The following SLC38A8 variants were observed in gnomAD, a reference collection of about 807,000 sequenced individuals.
The protein encoded by SLC38A8 is solute carrier family 38 member 8.
In SLC38A8, 65 loss-of-function variants were observed where a neutral mutation model predicts 46.0. The observed-to-expected ratio is 1.41, with a 90% CI of 1.16 to 1.74. SLC38A8 has a LOEUF of 1.74. Ranked by LOEUF, SLC38A8 falls within the 40% of genes most tolerant of loss-of-function variation. The pLI, the probability that SLC38A8 is intolerant of heterozygous loss-of-function variation, is 0.00. For synonymous variants in SLC38A8, 447 were observed against 243.7 expected, an observed-to-expected ratio of 1.83 and a Z score of -7.77; for missense variants, 998 against 567.9, an observed-to-expected ratio of 1.76 and a Z score of -7.70.
intron 2 of SLC38A8, chr16:84,041,426 ACT>A (rs2085365879): frequency 6.5e-6 from 1 of 152,852 alleles, no homozygotes; most frequent in Admixed American, 6.5e-5. Flanking sequence ...GATTCTCCTG[ACT>A]CCACCTCCTG....
chr16:84,035,681 T>C (rs1255135866), intron 3 of SLC38A8, among the ~76,000 whole-genome samples: 14 of 152,208 alleles, frequency 9.2e-5, no homozygotes, highest in Non-Finnish European at 1.9e-4. Flanking sequence ...CAAACACTAG[T>C]CTTAAGGATG....
At position 84,029,609 on chromosome 16, in the gene SLC38A8, C is replaced by G. The variant is rs979714923; in HGVS notation, c.633-58G>C. The stretch of plus-strand genomic sequence containing the variant: ...GAAGGGTCACACCCGGAACAACCTG[C>G]GGCTGCAATGGTGAATTTTAAAGGA... On this transcript the variant is annotated intron_variant, in intron 5 of 10. Transcript: ENST00000299709. 9.1e-6 allele frequency: 14 copies of G among 1,541,936 alleles called. No individual in the cohort carries two copies. In the African/African-American group the frequency reaches 1.4e-4, roughly 15 times the overall value.
intron 7 of SLC38A8, among the ~76,000 whole-genome samples, chr16:84,019,561 G>C (rs2085071801): frequency 6.6e-6 from 1 of 152,128 alleles, no homozygotes; most frequent in Admixed American, 6.5e-5. Flanking sequence ...TTTTGGAGGG[G>C]ACAATCAATC....
chr16:84,029,055 G>A (rs563190474), intron 6 of SLC38A8, among the ~76,000 whole-genome samples: 4 of 152,194 alleles, frequency 2.6e-5, no homozygotes, highest in East Asian at 1.9e-4. Flanking sequence ...CCCCTCAGGA[G>A]GCAGGATCTT....
chr16:84,009,947 A>C, intron 10 of SLC38A8, 70 bp from the exon 11 acceptor site: 1 of 1,384,950 alleles, frequency 7.2e-7, no homozygotes, highest in Non-Finnish European at 1.0e-6. Flanking sequence ...CACACATAAA[A>C]AATTCACTAT....
intron 7 of SLC38A8, among the ~76,000 whole-genome samples, chr16:84,022,422 G>T (rs1011032273): frequency 2.0e-5 from 3 of 152,188 alleles, no homozygotes; most frequent in Non-Finnish European, 2.9e-5. Context: ...ACCCTACCCA[G>T]ATGTTACAGT....
At chr16:84,028,337 G>C (rs936170010) in intron 6 of SLC38A8, among the ~76,000 whole-genome samples, 1 of 152,016 alleles carries the variant, frequency 6.6e-6, no homozygotes, top group African/African-American at 2.4e-5. Context: ...TCCTAGCACT[G>C]TGGGAGGCCG....
intron 9 of SLC38A8, among the ~76,000 whole-genome samples, chr16:84,016,163 C>T (rs1405208236): frequency 6.6e-6 from 1 of 152,238 alleles, no homozygotes; most frequent in Non-Finnish European, 1.5e-5. Context: ...ACCATCAGAT[C>T]TCATGAGACT....
chr16:84,039,251 G>A (rs767234135), intron 2 of SLC38A8, among the ~76,000 whole-genome samples: 46 of 152,178 alleles, frequency 3.0e-4, no homozygotes, highest in African/African-American at 1.0e-3. Context: ...CATTTCCAGT[G>A]TTTTAAGCCC....
intron 5 of SLC38A8, among the ~76,000 whole-genome samples, chr16:84,030,876 G>A (rs1278298421): frequency 1.3e-5 from 2 of 151,874 alleles, no homozygotes; most frequent in African/African-American, 2.4e-5. Flanking sequence ...CCTGCCACTG[G>A]GAAATCCGAT....
intron 6 of SLC38A8, among the ~76,000 whole-genome samples, chr16:84,023,560 A>G (rs1176023072): frequency 6.6e-6 from 1 of 152,110 alleles, no homozygotes; most frequent in Non-Finnish European, 1.5e-5. Flanking sequence ...CATGCACCTC[A>G]ACACAGACGA....
At chr16:84,019,634 A>G (rs1431135324) in intron 7 of SLC38A8, among the ~76,000 whole-genome samples, 4 of 152,140 alleles carry the variant, frequency 2.6e-5, no homozygotes, top group South Asian at 2.1e-4. Context: ...TAAATACCCC[A>G]TGGTTATTCC....
chr16:84,035,027 G>C (rs751682736), intron 3 of SLC38A8, among the ~76,000 whole-genome samples: 6 of 152,148 alleles, frequency 3.9e-5, no homozygotes, highest in African/African-American at 1.2e-4. Context: ...TCCCTACAGA[G>C]AGGCATCCCC....
chr16:84,031,110 G>A (rs921338536), intron 5 of SLC38A8, among the ~76,000 whole-genome samples: 2 of 152,106 alleles, frequency 1.3e-5, no homozygotes, highest in Non-Finnish European at 2.9e-5. Flanking sequence ...GTATCATCTC[G>A]GCTCACTGCA....
intron 10 of SLC38A8, among the ~76,000 whole-genome samples, chr16:84,011,159 C>G (rs577692632): frequency 6.6e-6 from 1 of 152,338 alleles, no homozygotes; most frequent in African/African-American, 2.4e-5. Context: ...TGTGCGGGGA[C>G]TGTGAGGCTA....
At chr16:84,038,629 T>C (rs2085329828) in intron 2 of SLC38A8, among the ~76,000 whole-genome samples, 1 of 152,252 alleles carries the variant, frequency 6.6e-6, no homozygotes, top group Non-Finnish European at 1.5e-5. Context: ...TTAAGTGTAT[T>C]GCTGGAAGAT....
intron 7 of SLC38A8, among the ~76,000 whole-genome samples, chr16:84,021,916 G>T (rs936947091): frequency 6.6e-6 from 1 of 152,212 alleles, no homozygotes; most frequent in Non-Finnish European, 1.5e-5. Context: ...TGGCAAGGGG[G>T]CTGAGTGTGT....
chr16:84,043,296 G>T (rs534803138), upstream of SLC38A8, among the ~76,000 whole-genome samples: 1 of 152,192 alleles, frequency 6.6e-6, no homozygotes, highest in Non-Finnish European at 1.5e-5. Context: ...TATCGGAGAC[G>T]GCCCCATTCC....
chr16:84,042,006 T>A lies in SLC38A8; in HGVS notation c.152A>T (p.Lys51Ile). 1 of 1,611,476 alleles carries A rather than the reference T, an allele frequency of 6.2e-7. No individual in the cohort carries two copies. Among genetic ancestry groups the A allele is most frequent in the Non-Finnish European group, 8.5e-7 (1 of 1,178,582 alleles). The change falls in exon 2 of 11, where the codon AAA becomes ATA. Residue 51 changes from lysine to isoleucine, a missense_variant. Physicochemically the swap from Lys to Ile is moderately radical, Grantham distance 102. Transcript: ENST00000299709. Reference protein sequence around the residue: ...GLLNFPWAFSKAGGVVPAFLV... With the variant: ...GLLNFPWAFSIAGGVVPAFLV... Reference sequence around the variant, plus strand: ...GAAGGCAGGGACCACTCCGCCCGCTTTGGAGAAGGCCCAGGGGAAGTTGAG... The same window carrying A: ...GAAGGCAGGGACCACTCCGCCCGCTATGGAGAAGGCCCAGGGGAAGTTGAG...
Sources: allele counts gnomAD v4.1 joint callset (sites outside exome capture counted in the v4.1 genomes callset), GRCh38; gene constraint gnomAD v4.1.1; transcripts MANE v1.5; gene names NCBI Gene and HGNC (gene_info 2026-07-23, HGNC 2026-07-21).